DCLK1: variants seen among roughly 807,000 people sequenced by gnomAD.
DCLK1 encodes serine/threonine-protein kinase DCLK1.
A neutral mutation model predicts 86.2 loss-of-function variants in DCLK1; 16 were observed. The observed-to-expected ratio is 0.19, with a 90% CI of 0.13 to 0.28. The LOEUF is 0.28. Among genes scored for constraint, DCLK1 ranks in the 10% least tolerant of loss-of-function variants. The probability of loss-of-function intolerance (pLI) is 1.00; values close to 1 mark genes in which losing one functional copy is unlikely to be tolerated. For synonymous variants in DCLK1, 369 were observed against 370.5 expected (o/e 1.00, Z 0.05); for missense variants, 590 against 940.2 (o/e 0.63, Z 4.87).
intron 3 of DCLK1, among the ~76,000 whole-genome samples, chr13:36,034,996 G>A (rs1882431050): frequency 6.6e-6 from 1 of 152,102 alleles, no homozygotes; most frequent in Non-Finnish European, 1.5e-5. Flanking sequence ...AAACCACTGT[G>A]GCTTCCTCCT....
intron 3 of DCLK1, among the ~76,000 whole-genome samples, chr13:36,093,483 C>G (rs1158520513): frequency 2.6e-5 from 4 of 152,200 alleles, no homozygotes; most frequent in Middle Eastern, 3.4e-3. Context: ...AAAACAGCAC[C>G]GTGTGATTAA....
At chr13:35,855,061 A>G (rs1289245156) in intron 5 of DCLK1, among the ~76,000 whole-genome samples, 2 of 152,144 alleles carry the variant, frequency 1.3e-5, no homozygotes, top group African/African-American at 2.4e-5. Context: ...CTTCTAGAAA[A>G]ATGTCCTGCA....
intron 2 of DCLK1, among the ~76,000 whole-genome samples, chr13:36,120,427 G>A (rs543902012): frequency 1.3e-5 from 2 of 152,232 alleles, no homozygotes; most frequent in South Asian, 2.1e-4. Flanking sequence ...ACAGTATTTA[G>A]TACAGTAACA....
intron 3 of DCLK1, among the ~76,000 whole-genome samples, chr13:36,014,623 G>T (rs1881455348): frequency 1.3e-5 from 2 of 152,062 alleles, no homozygotes; most frequent in Non-Finnish European, 1.5e-5. Flanking sequence ...TGGAGTTGCT[G>T]GGAAAAATAA....
intron 10 of DCLK1, among the ~76,000 whole-genome samples, chr13:35,826,523 C>CAAAAAAAAAAAAAAAAAAAAAAAA (rs533243711): frequency 5.0e-5 from 1 of 19,818 alleles, no homozygotes; most frequent in Admixed American, 6.3e-4. Context: ...AACTCCATCT[C>CAAAAAAAAAAAAAAAAAAAAAAAA]AAAAAAAAAA....
At chr13:35,788,305 G>C (rs923060351) in intron 16 of DCLK1, 1 of 1,611,364 alleles carries the variant, frequency 6.2e-7, no homozygotes, top group Non-Finnish European at 8.5e-7. Flanking sequence ...GAGAAATGGG[G>C]CAACTCAGTG....
At chr13:35,794,505 C>A (rs1263096978) in intron 15 of DCLK1, among the ~76,000 whole-genome samples, 1 of 152,220 alleles carries the variant, frequency 6.6e-6, no homozygotes, top group Non-Finnish European at 1.5e-5. Context: ...GTGCTGGCTC[C>A]TTTTGCACGA....
chr13:35,937,556 T>C (rs1028110209), intron 4 of DCLK1, among the ~76,000 whole-genome samples: 3 of 152,166 alleles, frequency 2.0e-5, no homozygotes, highest in African/African-American at 4.8e-5. Context: ...GAATGACTAT[T>C]ATGTAGGACT....
chr13:35,822,905 C>T (rs1329589100), intron 10 of DCLK1, 30 bp from the exon 11 acceptor site: 2 of 1,611,736 alleles, frequency 1.2e-6, no homozygotes, highest in Non-Finnish European at 1.7e-6. Flanking sequence ...TGAAGCAGCA[C>T]ATTAACAGAC....
Position 35,774,615 on chromosome 13 carries a change from G to T in DCLK1, c.2143C>A (p.Pro715Thr). Reference sequence around the variant, plus strand: ...TCCGATTCCGAGTTGAGTTCGGGAGGAGCTGGCTGCGCCTTGTACCGGCTC... The same window carrying T: ...TCCGATTCCGAGTTGAGTTCGGGAGTAGCTGGCTGCGCCTTGTACCGGCTC... Reference protein sequence around the residue: ...VRSRYKAQPAPPELNSESEDY... With the variant: ...VRSRYKAQPATPELNSESEDY... Residue 715 changes from proline (P) to threonine (T), a missense_variant, in exon 17 of 17, where the codon CCT becomes ACT. Around this residue, in one of 6 missense-constraint regions of DCLK1, gnomAD observed 146 missense variants for 190.2 expected, o/e 0.77. Transcript: ENST00000360631. The T allele has an allele frequency of 6.2e-7, 1 of 1,600,750 alleles. No individual in the cohort carries two copies. Among genetic ancestry groups the T allele is most frequent in the Non-Finnish European group, 8.5e-7 (1 of 1,172,890 alleles).
Position 35,978,429 on chromosome 13 carries a change from T to C in DCLK1, c.724-30972A>G, listed in dbSNP as rs1337154920. Among the ~76,000 whole-genome samples, 3 of 152,028 alleles carry C rather than the reference T, an allele frequency of 2.0e-5. No homozygotes were observed. In the East Asian group the frequency reaches 5.8e-4, roughly 30 times the overall value. On this transcript the variant is annotated intron_variant, in intron 3 of 16. Coordinates refer to ENST00000360631, the MANE Select transcript of DCLK1 (RefSeq NM_001330071.2). ...CCATGTTGCCCAGGCTGGTCTCAAATTCCTGGGCTCAAGTGATCCACCCAC... is the reference window on the plus strand; with the variant it reads ...CCATGTTGCCCAGGCTGGTCTCAAACTCCTGGGCTCAAGTGATCCACCCAC...
chr13:35,894,887 C>A (rs2153120358), intron 4 of DCLK1, among the ~76,000 whole-genome samples: 1 of 152,312 alleles, frequency 6.6e-6, no homozygotes, highest in East Asian at 1.9e-4. Flanking sequence ...TAACAAAAGA[C>A]TGACTCCAAA....
chr13:35,982,679 A>C (rs1232922998), intron 3 of DCLK1, among the ~76,000 whole-genome samples: 1 of 152,224 alleles, frequency 6.6e-6, no homozygotes, highest in African/African-American at 2.4e-5. Flanking sequence ...GAAAATCTAA[A>C]ACCTGATTGT....
At chr13:35,795,869 G>A (rs2086797295) in intron 15 of DCLK1, among the ~76,000 whole-genome samples, 1 of 142,784 alleles carries the variant, frequency 7.0e-6, no homozygotes, top group Non-Finnish European at 1.5e-5. Context: ...AATTTGCAGT[G>A]AGCTGAGACT....
At chr13:35,943,581 C>T (rs537266860) in intron 4 of DCLK1, among the ~76,000 whole-genome samples, 1 of 152,214 alleles carries the variant, frequency 6.6e-6, no homozygotes, top group Admixed American at 6.5e-5. Context: ...GACTCCCGAG[C>T]ACGCAGCAGG....
intron 3 of DCLK1, among the ~76,000 whole-genome samples, chr13:36,011,673 T>C (rs1881276624): frequency 6.6e-6 from 1 of 152,138 alleles, no homozygotes; most frequent in South Asian, 2.1e-4. Flanking sequence ...GGAATAGGTA[T>C]GGTGTGGTGC....
At chr13:35,788,374 T>TA in intron 16 of DCLK1, 1 of 1,174,698 alleles carries the variant, frequency 8.5e-7, no homozygotes, top group South Asian at 1.2e-5. Context: ...ATTGATTCTA[T>TA]ATGTATATAT....
chr13:36,078,639 C>A (rs748953127), intron 3 of DCLK1, among the ~76,000 whole-genome samples: 2 of 152,158 alleles, frequency 1.3e-5, no homozygotes, highest in Non-Finnish European at 2.9e-5. Flanking sequence ...AGTATCTGAG[C>A]ACTGGAGCAA....
At chr13:35,984,043 A>G (rs1336520952) in intron 3 of DCLK1, among the ~76,000 whole-genome samples, 1 of 152,218 alleles carries the variant, frequency 6.6e-6, no homozygotes, top group Non-Finnish European at 1.5e-5. Context: ...CACCACTTAC[A>G]GTGGTGCAGG....
Sources: allele counts gnomAD v4.1 joint callset (sites outside exome capture counted in the v4.1 genomes callset), GRCh38; gene constraint gnomAD v4.1.1; regional missense constraint gnomAD v4.1.1; transcripts MANE v1.5; gene names NCBI Gene and HGNC (gene_info 2026-07-23, HGNC 2026-07-21).